SPAG16: variants seen among roughly 807,000 people sequenced by gnomAD.
SPAG16 encodes the protein sperm-associated antigen 16 protein.
Under a neutral mutation model 80.4 loss-of-function variants are expected in SPAG16, and 86 were observed. The ratio of observed to expected loss-of-function variants is 1.07; its 90% CI spans 0.90 to 1.28. The LOEUF is 1.28. SPAG16 is among the 50% of genes most tolerant of loss of function. The probability of loss-of-function intolerance (pLI) is 0.00; values close to 1 mark genes in which losing one functional copy is unlikely to be tolerated. For synonymous variants in SPAG16, 294 were observed against 265.9 expected (o/e 1.11, Z -1.03); for missense variants, 870 against 765.3 (o/e 1.14, Z -1.61).
At chr2:214,212,415 G>A (rs192715205) in intron 15 of SPAG16, among the ~76,000 whole-genome samples, 115 of 152,052 alleles carry the variant, frequency 7.6e-4, no homozygotes, top group Non-Finnish European at 1.5e-3. Context: ...CCCACTCCCT[G>A]CATCCATCAA....
At chr2:214,172,614 C>G (rs2056914310) in intron 15 of SPAG16, among the ~76,000 whole-genome samples, 1 of 152,046 alleles carries the variant, frequency 6.6e-6, no homozygotes, top group East Asian at 1.9e-4. Flanking sequence ...GGGTATATAC[C>G]CAGTAGTGGG....
At position 213,302,219 on chromosome 2, in the gene SPAG16, T is replaced by C. The variant is rs116265262; in HGVS notation, c.279+4862T>C. The stretch of plus-strand genomic sequence containing the variant: ...GCAAAGTGAGACCATGTTTCGCTAG[T>C]TTGTAGATTGCTTGCTTTTTTGTGC... On this transcript the variant is annotated intron_variant, in intron 3 of 15. Transcript: ENST00000331683. Among the ~76,000 whole-genome samples, 1,334 of 152,234 alleles carry C rather than the reference T, an allele frequency of 8.8e-3. 16 individuals are homozygous for C. The highest frequency in any genetic ancestry group is 0.03 in the African/African-American group (1,246 of 41,554).
intron 15 of SPAG16, among the ~76,000 whole-genome samples, chr2:214,231,203 C>T (rs1182046762): frequency 6.6e-6 from 1 of 151,844 alleles, no homozygotes; most frequent in Non-Finnish European, 1.5e-5. Flanking sequence ...ATTATCTATG[C>T]TATTTATTGA....
At chr2:213,883,265 C>G (rs369911608) in intron 11 of SPAG16, among the ~76,000 whole-genome samples, 2 of 152,126 alleles carry the variant, frequency 1.3e-5, no homozygotes. Flanking sequence ...AGTGTCCACC[C>G]AGGAGTTATT....
At chr2:213,796,904 T>C (rs2071072351) in intron 10 of SPAG16, among the ~76,000 whole-genome samples, 1 of 142,666 alleles carries the variant, frequency 7.0e-6, no homozygotes, top group Non-Finnish European at 1.6e-5. Flanking sequence ...TTATGGGTGA[T>C]GACAGCTGCA....
intron 10 of SPAG16, among the ~76,000 whole-genome samples, chr2:213,492,471 A>AC (rs1164587284): frequency 6.6e-6 from 1 of 151,688 alleles, no homozygotes. Flanking sequence ...AATGGCATGA[A>AC]CCCGGGAGGT....
At chr2:213,613,779 A>G (rs1027271159) in intron 10 of SPAG16, among the ~76,000 whole-genome samples, 3 of 152,164 alleles carry the variant, frequency 2.0e-5, no homozygotes, top group Non-Finnish European at 4.4e-5. Flanking sequence ...TTGATGCATA[A>G]TAGATGCTAA....
chr2:213,350,929 G>A (rs1278132169), intron 7 of SPAG16, among the ~76,000 whole-genome samples: 6 of 150,762 alleles, frequency 4.0e-5, no homozygotes, highest in Non-Finnish European at 5.9e-5. Flanking sequence ...TTTGAGACCA[G>A]CCTGGCCAAT....
At chr2:213,660,978 C>A (rs2063404281) in intron 10 of SPAG16, among the ~76,000 whole-genome samples, 1 of 152,138 alleles carries the variant, frequency 6.6e-6, no homozygotes. Context: ...CCCCTGGTCC[C>A]ACTTTATGCA....
At chr2:213,602,799 A>G (rs2061115623) in intron 10 of SPAG16, among the ~76,000 whole-genome samples, 1 of 151,922 alleles carries the variant, frequency 6.6e-6, no homozygotes. Flanking sequence ...TATATATTGA[A>G]CTCTTTATTG....
chr2:213,575,854 C>G (rs567535729), intron 10 of SPAG16, among the ~76,000 whole-genome samples: 1 of 152,088 alleles, frequency 6.6e-6, no homozygotes, highest in African/African-American at 2.4e-5. Context: ...ATCATTCTTG[C>G]ATTGTAAAAT....
At chr2:213,833,558 ATATATATAATATATATAT>A (rs2073899482) in intron 10 of SPAG16, among the ~76,000 whole-genome samples, 3 of 742 alleles carry the variant, frequency 4.0e-3, no homozygotes, top group African/African-American at 8.8e-3. Context: ...AATATATATA[ATATATATAATATATATAT>A]AATATATATA....
chr2:213,474,889 C>A (rs1331953164), intron 9 of SPAG16, among the ~76,000 whole-genome samples: 2 of 152,134 alleles, frequency 1.3e-5, no homozygotes, highest in African/African-American at 4.8e-5. Context: ...TTTGGCAATA[C>A]CCTCACAGAC....
rs796679771 is a variant in SPAG16 at position 214,185,492 on chromosome 2, T to TA, written c.1720+36236dup. Among the ~76,000 whole-genome samples, 233 of 147,212 alleles carry TA rather than the reference T, an allele frequency of 1.6e-3. 2 individuals are homozygous for TA. Among genetic ancestry groups the TA allele is most frequent in the Admixed American group, 3.5e-3 (51 of 14,688 alleles). On this transcript the variant is annotated intron_variant, in intron 15 of 15. Transcript: ENST00000331683. The stretch of plus-strand genomic sequence containing the variant: ...TGTCCCTGAAAGAATTCCTATGTGA[T>TA]AAAAAAAAAAGTCTACAGAATGATG...
intron 9 of SPAG16, among the ~76,000 whole-genome samples, chr2:213,398,700 C>G (rs1221088713): frequency 6.6e-6 from 1 of 152,130 alleles, no homozygotes; most frequent in African/African-American, 2.4e-5. Flanking sequence ...CTTCTTTGGC[C>G]TCTATCCTAC....
intron 10 of SPAG16, among the ~76,000 whole-genome samples, chr2:213,612,193 G>C (rs932719230): frequency 6.6e-6 from 1 of 152,072 alleles, no homozygotes; most frequent in Non-Finnish European, 1.5e-5. Flanking sequence ...CTTTAGTTTA[G>C]ATATGGATAT....
At position 213,804,796 on chromosome 2, in the gene SPAG16, G is replaced by A. The variant is rs551725235; in HGVS notation, c.1071-57689G>A. Among the ~76,000 whole-genome samples the A allele has an allele frequency of 5.3e-5, 8 of 152,296 alleles. 1 individual carries two copies. In the South Asian group the frequency reaches 1.7e-3, roughly 32 times the overall value. On this transcript the variant is annotated intron_variant, in intron 10 of 15. Transcript: ENST00000331683. ...CGGGATGGTGAGAATAAGAAACCAA[G>A]AGAAGACGGATGTGCCTGAAAGGAG...
intron 15 of SPAG16, among the ~76,000 whole-genome samples, chr2:214,389,236 C>T (rs1700929169): frequency 6.6e-6 from 1 of 152,106 alleles, no homozygotes; most frequent in African/African-American, 2.4e-5. Flanking sequence ...TATTTCAAAA[C>T]AACTTATCAC....
At chr2:213,849,183 C>G (rs531709632) in intron 10 of SPAG16, among the ~76,000 whole-genome samples, 1 of 152,052 alleles carries the variant, frequency 6.6e-6, no homozygotes. Flanking sequence ...ACAGATCACA[C>G]GGCAGGAGAT....
Sources: allele counts gnomAD v4.1 joint callset (sites outside exome capture counted in the v4.1 genomes callset), GRCh38; gene constraint gnomAD v4.1.1; transcripts MANE v1.5; gene names NCBI Gene and HGNC (gene_info 2026-07-23, HGNC 2026-07-21).